The following PARD3B variants were observed in gnomAD, a reference collection of about 807,000 sequenced individuals.
The protein encoded by PARD3B is partitioning defective 3 homolog B.
PARD3B carries 103 observed loss-of-function variants against 130.2 expected under a neutral mutation model. The ratio of observed to expected loss-of-function variants is 0.79; its 90% CI spans 0.67 to 0.93. The LOEUF (loss-of-function observed/expected upper bound fraction) is 0.93. PARD3B is among the 40% of genes least tolerant of loss of function. The probability of loss-of-function intolerance (pLI) is 0.00; values close to 1 mark genes in which losing one functional copy is unlikely to be tolerated. For missense variants in PARD3B, 1,609 were observed against 1,499.2 expected, an observed-to-expected ratio of 1.07 and a Z score of -1.21; for synonymous variants, 583 against 553.2, an observed-to-expected ratio of 1.05 and a Z score of -0.76.
chr2:204,906,841 G>A lies in PARD3B; in HGVS notation c.223-58311G>A, dbSNP rs780447447. On this transcript the variant is annotated intron_variant, in intron 2 of 22. Transcript: ENST00000406610. The surrounding 1 kb of genome is among the most constrained non-coding windows in gnomAD (Gnocchi z 4.3). Reference sequence around the variant, plus strand: ...TGGTTTTGTACACCATTTGAATTGGGATGCTTATGGTGATATCTTGGAGAA... The same window carrying A: ...TGGTTTTGTACACCATTTGAATTGGAATGCTTATGGTGATATCTTGGAGAA... Among the ~76,000 whole-genome samples the A allele has an allele frequency of 3.3e-5, 5 of 152,174 alleles. No homozygotes were observed. Among genetic ancestry groups the A allele is most frequent in the Non-Finnish European group, 7.4e-5 (5 of 68,022 alleles).
intron 2 of PARD3B, among the ~76,000 whole-genome samples, chr2:204,843,099 C>T (rs2044317480): frequency 6.6e-6 from 1 of 152,002 alleles, no homozygotes; most frequent in African/African-American, 2.4e-5. Context: ...GTATTTCTGA[C>T]AGGTTCCTAG....
intron 19 of PARD3B, among the ~76,000 whole-genome samples, chr2:205,431,408 A>G (rs915537558): frequency 2.0e-5 from 3 of 152,146 alleles, no homozygotes; most frequent in Non-Finnish European, 4.4e-5. Flanking sequence ...TACAGAAATG[A>G]AACGTATATG....
intron 21 of PARD3B, among the ~76,000 whole-genome samples, chr2:205,539,840 T>C (rs2052043269): frequency 6.6e-6 from 1 of 152,084 alleles, no homozygotes; most frequent in African/African-American, 2.4e-5. Flanking sequence ...AGCAGCCAAG[T>C]ACGGTTAGAT....
intron 1 of PARD3B, among the ~76,000 whole-genome samples, chr2:204,563,299 A>G (rs939202222): frequency 2.8e-5 from 4 of 142,416 alleles, no homozygotes; most frequent in African/African-American, 5.3e-5. Context: ...GACACCAGTC[A>G]TACTGGATTA....
At chr2:204,949,851 T>G (rs765020403) in intron 2 of PARD3B, among the ~76,000 whole-genome samples, 8 of 152,202 alleles carry the variant, frequency 5.3e-5, no homozygotes, top group Non-Finnish European at 1.0e-4. Flanking sequence ...TTGCTTGGTC[T>G]CTTAAAGTTG....
intron 22 of PARD3B, among the ~76,000 whole-genome samples, chr2:205,579,415 G>C (rs939560176): frequency 2.0e-5 from 3 of 152,154 alleles, no homozygotes; most frequent in Non-Finnish European, 4.4e-5. Flanking sequence ...TAATAAACAA[G>C]CTGAAGGAGC....
intron 10 of PARD3B, among the ~76,000 whole-genome samples, chr2:205,147,617 C>T (rs567417405): frequency 6.6e-6 from 1 of 151,830 alleles, no homozygotes; most frequent in East Asian, 1.9e-4. Context: ...TTTTTAAAAA[C>T]ATGAAAAAAA....
At chr2:204,809,107 CTTTTAATGGGTTTGTCTGT>C (rs1458995517) in intron 2 of PARD3B, among the ~76,000 whole-genome samples, 1 of 151,752 alleles carries the variant, frequency 6.6e-6, no homozygotes, top group Non-Finnish European at 1.5e-5. Flanking sequence ...CCTTTGCCCA[CTTTTAATGGGTTTGTCTGT>C]TTTTTTTTCT....
chr2:204,790,483 A>G (rs2042162626), intron 2 of PARD3B, among the ~76,000 whole-genome samples: 1 of 152,190 alleles, frequency 6.6e-6, no homozygotes, highest in Non-Finnish European at 1.5e-5. Flanking sequence ...AGTTCAGGGA[A>G]GAGATTAAGA....
At chr2:205,212,669 A>G (rs905168096) in intron 15 of PARD3B, among the ~76,000 whole-genome samples, 1 of 152,120 alleles carries the variant, frequency 6.6e-6, no homozygotes, top group African/African-American at 2.4e-5. Flanking sequence ...CTAAGCATAC[A>G]TTAACCATGG....
chr2:204,772,773 G>A (rs915348818), intron 2 of PARD3B, among the ~76,000 whole-genome samples: 1 of 152,098 alleles, frequency 6.6e-6, no homozygotes, highest in Non-Finnish European at 1.5e-5. Flanking sequence ...TGCAACAAAT[G>A]GAAAATGATT....
intron 4 of PARD3B, among the ~76,000 whole-genome samples, chr2:205,058,824 A>G (rs1360478109): frequency 6.6e-6 from 1 of 151,950 alleles, no homozygotes; most frequent in Non-Finnish European, 1.5e-5. Flanking sequence ...GGAGTTTTCT[A>G]TATATGCTGG....
intron 2 of PARD3B, among the ~76,000 whole-genome samples, chr2:204,778,115 C>A (rs2041702759): frequency 7.2e-6 from 1 of 138,658 alleles, no homozygotes. Flanking sequence ...ATCTTTATAG[C>A]AATGTGAGAA....
In PARD3B at chr2:204,997,720, T is replaced by C. The variant is rs187061951; in HGVS notation, c.394+32397T>C. 3.6e-3 allele frequency among the ~76,000 whole-genome samples: 549 copies of C among 152,002 alleles called. 4 individuals carry two copies. Among genetic ancestry groups the C allele is most frequent in the Non-Finnish European group, 6.2e-3 (422 of 67,956 alleles). ...TACTAATTCTTATACTTGTCCTTCT[T>C]GCATTACTACACTTAGAGCTCCAGT... On this transcript the variant is annotated intron_variant, in intron 3 of 22. Coordinates refer to ENST00000406610, the MANE Select transcript of PARD3B (RefSeq NM_001302769.2).
chr2:205,614,828 C>A (rs1292039854), intron 22 of PARD3B, among the ~76,000 whole-genome samples: 1 of 152,068 alleles, frequency 6.6e-6, no homozygotes, highest in Admixed American at 6.5e-5. Flanking sequence ...TAACAGCAGC[C>A]AACCAGAGTT....
rs895460073 is a variant in PARD3B, at chr2:205,405,692, A to G, written c.2741+4569A>G. The stretch of plus-strand genomic sequence containing the variant: ...ACCCGTTGATCAGATTGTGGTTGCC[A>G]CAAAACTTCAGGGGTTGACAATATG... On this transcript the variant is annotated intron_variant, in intron 19 of 22. Coordinates refer to ENST00000406610, the MANE Select transcript of PARD3B (RefSeq NM_001302769.2). The surrounding 1 kb of genome is among the most constrained non-coding windows in gnomAD (Gnocchi z 4.1). 2.6e-5 allele frequency among the ~76,000 whole-genome samples: 4 copies of G among 152,224 alleles called. No homozygotes were observed. Among genetic ancestry groups the G allele is most frequent in the Non-Finnish European group, 5.9e-5 (4 of 68,048 alleles).
intron 2 of PARD3B, among the ~76,000 whole-genome samples, chr2:204,948,765 G>C (rs920159522): frequency 1.4e-4 from 21 of 152,148 alleles, no homozygotes; most frequent in African/African-American, 4.3e-4. Context: ...TAAAAATAGG[G>C]CTTTTTCTTT....
chr2:205,382,667 T>C (rs1200010016), intron 18 of PARD3B, among the ~76,000 whole-genome samples: 4 of 152,102 alleles, frequency 2.6e-5, no homozygotes, highest in African/African-American at 7.2e-5. Context: ...CATTCATTAA[T>C]TGGAATTCTT....
intron 13 of PARD3B, among the ~76,000 whole-genome samples, chr2:205,180,269 A>C (rs1381908875): frequency 1.3e-5 from 2 of 151,654 alleles, no homozygotes; most frequent in Non-Finnish European, 2.9e-5. Flanking sequence ...CAGTAGATGA[A>C]ATTTTCTTAC....
Sources: allele counts gnomAD v4.1 joint callset (sites outside exome capture counted in the v4.1 genomes callset), GRCh38; gene constraint gnomAD v4.1.1; non-coding constraint Gnocchi (gnomAD v3.1); transcripts MANE v1.5; gene names NCBI Gene and HGNC (gene_info 2026-07-23, HGNC 2026-07-21).